Variants in SMIM10L3 observed in about 807,000 individuals in gnomAD.
SMIM10L3 encodes the protein salivary gland specific protein SAGSIN1.
the SMIM10L3 span, among the ~76,000 whole-genome samples, chr7:6,331,734 G>A: frequency 7.4e-6 from 1 of 134,342 alleles, no homozygotes; most frequent in Admixed American, 7.6e-5. Flanking sequence ...GCAAATAATA[G>A]AGGCTTTTTT....
chr7:6,332,334 A>T, the SMIM10L3 span, among the ~76,000 whole-genome samples: 1 of 152,236 alleles, frequency 6.6e-6, no homozygotes, highest in East Asian at 1.9e-4. Context: ...TAATTAAACT[A>T]ATTAAATTAG....
At chr7:6,337,042 T>C in the SMIM10L3 span, among the ~76,000 whole-genome samples, 1 of 152,124 alleles carries the variant, frequency 6.6e-6, no homozygotes, top group Admixed American at 6.6e-5. Context: ...CTAAATATAT[T>C]TCAATATATG....
At chr7:6,330,570 C>T in the SMIM10L3 span, 51 of 1,614,136 alleles carry the variant, frequency 3.2e-5, no homozygotes, top group African/African-American at 1.7e-4. Context: ...ACACGTGCAG[C>T]GTTGCAGACA....
the SMIM10L3 span, among the ~76,000 whole-genome samples, chr7:6,340,690 G>C: frequency 2.0e-5 from 3 of 151,942 alleles, no homozygotes; most frequent in Non-Finnish European, 4.4e-5. Context: ...ACGAGGTCAG[G>C]AGATCGAGAC....
the SMIM10L3 span, among the ~76,000 whole-genome samples, chr7:6,334,668 G>A: frequency 2.0e-5 from 3 of 151,970 alleles, no homozygotes; most frequent in Non-Finnish European, 4.4e-5. Flanking sequence ...GGTTCCACGA[G>A]TTGCCCAGGC....
the SMIM10L3 span, among the ~76,000 whole-genome samples, chr7:6,333,132 G>C: frequency 6.6e-6 from 1 of 150,866 alleles, no homozygotes; most frequent in South Asian, 2.1e-4. Flanking sequence ...ACTCCAGCCT[G>C]GCGACAGAGC....
chr7:6,340,939 C>T, the SMIM10L3 span, among the ~76,000 whole-genome samples: 1 of 125,582 alleles, frequency 8.0e-6, no homozygotes, highest in African/African-American at 3.2e-5. Context: ...GTCATCCTGC[C>T]TAACATGGTG....
chr7:6,333,885 T>C, the SMIM10L3 span, among the ~76,000 whole-genome samples: 30 of 147,384 alleles, frequency 2.0e-4, no homozygotes, highest in East Asian at 4.3e-3. Flanking sequence ...GCTCTTTTTT[T>C]GCCCAGGCTG....
the SMIM10L3 span, among the ~76,000 whole-genome samples, chr7:6,343,142 C>T: frequency 4.6e-5 from 7 of 151,332 alleles, no homozygotes; most frequent in Admixed American, 6.6e-5. Context: ...CTTGGGAGGC[C>T]GAGGAGGGTG....
the SMIM10L3 span, chr7:6,330,218 C>T: frequency 1.4e-6 from 1 of 738,680 alleles, no homozygotes; most frequent in Non-Finnish European, 2.2e-6. Context: ...CATCAACTGG[C>T]TTTGAATTTA....
At chr7:6,345,789 G>A in the SMIM10L3 span, among the ~76,000 whole-genome samples, 3 of 151,608 alleles carry the variant, frequency 2.0e-5, no homozygotes, top group Non-Finnish European at 4.4e-5. Context: ...ATTTTTTTGA[G>A]ACAGAGTCTC....
At chr7:6,347,874 C>T in the SMIM10L3 span, among the ~76,000 whole-genome samples, 3 of 133,380 alleles carry the variant, frequency 2.2e-5, no homozygotes, top group Non-Finnish European at 4.8e-5. Context: ...GGCAACATAA[C>T]GAGACCCCTT....
the SMIM10L3 span, among the ~76,000 whole-genome samples, chr7:6,337,420 C>CA: frequency 1.5e-4 from 23 of 151,786 alleles, no homozygotes; most frequent in African/African-American, 5.6e-4. Context: ...CTGCGCCCGC[C>CA]CAGTATTTTA....
chr7:6,331,343 C>T, the SMIM10L3 span: 7 of 638,474 alleles, frequency 1.1e-5, no homozygotes, highest in Non-Finnish European at 1.6e-5. Flanking sequence ...TTATGACAGT[C>T]TCCAGTACAG....
At chr7:6,333,022 T>C in the SMIM10L3 span, among the ~76,000 whole-genome samples, 3 of 151,842 alleles carry the variant, frequency 2.0e-5, no homozygotes, top group Admixed American at 6.6e-5. Context: ...CCAGACGTGC[T>C]GGCGGGTGCC....
chr7:6,333,665 ATTTTTT>A, the SMIM10L3 span, among the ~76,000 whole-genome samples: 3 of 146,722 alleles, frequency 2.0e-5, no homozygotes, highest in South Asian at 6.5e-4. Context: ...CACCTGGCAA[ATTTTTT>A]TTTTTTCAGA....
At chr7:6,345,464 T>A in the SMIM10L3 span, among the ~76,000 whole-genome samples, 1 of 152,034 alleles carries the variant, frequency 6.6e-6, no homozygotes, top group Non-Finnish European at 1.5e-5. Flanking sequence ...TTGGTGGAGA[T>A]GGCAGATACT....
the SMIM10L3 span, chr7:6,330,369 T>G: frequency 6.2e-7 from 1 of 1,605,804 alleles, no homozygotes; most frequent in African/African-American, 1.3e-5. Flanking sequence ...TTGTTCTGCT[T>G]GTACCTTAAC....
At chr7:6,348,547 G>A in the SMIM10L3 span, 1 of 424,390 alleles carries the variant, frequency 2.4e-6, no homozygotes, top group Non-Finnish European at 4.2e-6. Flanking sequence ...GGAGGGCCGG[G>A]GGCCGGGCAG....
Sources: gnomAD v4.1 joint callset for allele counts (sites outside exome capture counted in the v4.1 genomes callset) on GRCh38, gnomAD v4.1.1 for gene constraint, MANE v1.5 for transcripts, NCBI Gene and HGNC (gene_info 2026-07-23, HGNC 2026-07-21) for gene names.